The following ZNF675 variants were observed in gnomAD, a reference collection of about 807,000 sequenced individuals.
The protein encoded by ZNF675 is zinc finger protein 675.
In ZNF675, 36 loss-of-function variants were observed where a neutral mutation model predicts 56.1. The ratio of observed to expected loss-of-function variants is 0.64; its 90% CI spans 0.49 to 0.85. ZNF675 has a LOEUF of 0.85. ZNF675 is among the 40% of genes least tolerant of loss of function. The pLI, the probability that ZNF675 is intolerant of heterozygous loss-of-function variation, is 0.00. For missense variants in ZNF675, 663 were observed against 654.2 expected, an observed-to-expected ratio of 1.01 and a Z score of -0.15; for synonymous variants, 200 against 218.9, an observed-to-expected ratio of 0.91 and a Z score of 0.76.
Position 23,653,128 on chromosome 19 carries a change from A to T in ZNF675, c.*98T>A, listed in dbSNP as rs1967932297. ...TTACATACAATGAAGTGTGAAAACC[A>T]TTTAAAGTCTTTGACACATTCTTTA... On this transcript the variant is annotated 3_prime_UTR_variant, in exon 4 of 4. Transcript: ENST00000359788. 8.6e-7 allele frequency: 1 copy of T among 1,167,786 alleles called. No individual in the cohort carries two copies. The highest frequency in any genetic ancestry group is 1.2e-6 in the Non-Finnish European group (1 of 838,414). The allele number at this position is 1,167,786 out of a possible 1,614,324, so 72.3% of individuals were successfully genotyped here.
intron 2 of ZNF675, 27 bp downstream of exon 2, chr19:23,663,005 G>T: frequency 6.8e-7 from 1 of 1,467,872 alleles, no homozygotes; most frequent in South Asian, 1.3e-5. Flanking sequence ...AAAAAAAAAA[G>T]AAACTGTGTG....
At position 23,653,304 on chromosome 19, in the gene ZNF675, T is replaced by C; in HGVS notation, c.1629A>G (p.Lys543=). 2 of 1,613,798 alleles carry C rather than the reference T, an allele frequency of 1.2e-6. No homozygotes were observed. Among genetic ancestry groups the C allele is most frequent in the Non-Finnish European group, 1.7e-6 (2 of 1,179,912 alleles). The change falls in exon 4 of 4, where the codon AAA becomes AAG. Residue 543 remains lysine (K), a synonymous_variant. Transcript: ENST00000359788. ...TAAGGTTTGCAGATTGGTTAAAAGC[T>C]TTGTCACATCTCTCACATTTATAGG... The part of the protein sequence containing the change: ...EKPYKCERCD[K]AFNQSANLTK...
intron 1 of ZNF675, among the ~76,000 whole-genome samples, chr19:23,680,945 A>G (rs1394006900): frequency 1.3e-5 from 2 of 151,720 alleles, no homozygotes; most frequent in African/African-American, 2.4e-5. Context: ...CCAAACCTTC[A>G]TGACACAATT....
chr19:23,671,345 A>C (rs1968224206), intron 1 of ZNF675, among the ~76,000 whole-genome samples: 1 of 152,158 alleles, frequency 6.6e-6, no homozygotes, highest in Admixed American at 6.5e-5. Context: ...AGTGAAGAAA[A>C]ACGGCAAGTC....
chr19:23,663,129 T>C lies in ZNF675; in HGVS notation c.33A>G (p.Ile11Met), dbSNP rs1479310729. The change falls in exon 2 of 4, where the codon ATA (isoleucine) becomes ATG (methionine). Residue 11 changes from isoleucine to methionine, a missense_variant. This residue lies in a region of ZNF675 where 33 missense variants were observed against 31.8 expected (regional missense o/e 1.04). Coordinates refer to ENST00000359788, the MANE Select transcript of ZNF675 (RefSeq NM_138330.3). MGLLTFRDVA[I>M]EFSLEEWQCL... The stretch of plus-strand genomic sequence containing the variant: ...ATTGCCATTCTTCCAGAGAGAATTC[T>C]ATGGCCACATCCCTAAATGTCAACA... 2 of 1,610,462 alleles carry C rather than the reference T, an allele frequency of 1.2e-6. No individual in the cohort carries two copies. Among genetic ancestry groups the C allele is most frequent in the African/African-American group, 2.7e-5 (2 of 74,856 alleles).
intron 3 of ZNF675, chr19:23,655,281 T>C (rs1967968710): frequency 6.6e-6 from 1 of 151,316 alleles, no homozygotes; most frequent in Admixed American, 6.6e-5. Context: ...TATTTACATA[T>C]AGAGGAATAC....
chr19:23,654,631 C>T lies in ZNF675; in HGVS notation c.302G>A (p.Arg101Lys), dbSNP rs779133363. ...ATCATTTCCACATTTTTCATATCTTCTCAGTGTCACTTTTTCAAAAGAATC... is the reference window on the plus strand; with the variant it reads ...ATCATTTCCACATTTTTCATATCTTTTCAGTGTCACTTTTTCAAAAGAATC... ...IKDSFEKVTL[R>K]RYEKCGNDNF... is the part of the protein sequence containing the mutation. Residue 101 changes from arginine to lysine, a missense_variant, in exon 4 of 4, where the codon AGA becomes AAA. Transcript: ENST00000359788. The T allele has an allele frequency of 1.9e-6, 3 of 1,602,234 alleles. No individual in the cohort carries two copies. Among genetic ancestry groups the T allele is most frequent in the East Asian group, 4.5e-5 (2 of 44,792 alleles).
intron 1 of ZNF675, among the ~76,000 whole-genome samples, chr19:23,684,068 T>A (rs1219836405): frequency 6.6e-6 from 1 of 150,482 alleles, no homozygotes; most frequent in South Asian, 2.1e-4. Context: ...AAGACCATCC[T>A]GGCTAACACG....
intron 1 of ZNF675, among the ~76,000 whole-genome samples, chr19:23,668,430 C>T (rs1310655257): frequency 1.3e-5 from 2 of 152,250 alleles, no homozygotes; most frequent in Admixed American, 6.5e-5. Context: ...ATACTCTCCA[C>T]GTACCCACCA....
intron 1 of ZNF675, among the ~76,000 whole-genome samples, chr19:23,683,512 C>G (rs2144801228): frequency 6.6e-6 from 1 of 152,232 alleles, no homozygotes; most frequent in South Asian, 2.1e-4. Flanking sequence ...ACCTCCACCT[C>G]CTGGGTTCAA....
At chr19:23,676,459 A>G (rs1227759438) in intron 1 of ZNF675, among the ~76,000 whole-genome samples, 3 of 151,788 alleles carry the variant, frequency 2.0e-5, no homozygotes, top group Admixed American at 6.6e-5. Context: ...ATCATCAACA[A>G]AATACTGAAA....
chr19:23,653,292 T>C lies in ZNF675; in HGVS notation c.1641A>G (p.Gln547=), dbSNP rs540405714. The C allele has an allele frequency of 9.9e-6, 16 of 1,613,382 alleles. No homozygotes were observed. Among genetic ancestry groups the C allele is most frequent in the Middle Eastern group, 1.7e-4 (1 of 6,056 alleles). The change falls in exon 4 of 4, where the codon CAA becomes CAG. Residue 547 remains glutamine (Q), a synonymous_variant. Transcript: ENST00000359788. ...TTTTATGTTTAGTAAGGTTTGCAGA[T>C]TGGTTAAAAGCTTTGTCACATCTCT... ...KCERCDKAFN[Q]SANLTKHKKI...
In ZNF675 at chr19:23,674,152, G is replaced by A. The variant is rs540140374; in HGVS notation, c.4-10994C>T. 3.1e-4 allele frequency among the ~76,000 whole-genome samples: 47 copies of A among 150,306 alleles called. 1 individual carries two copies. Among genetic ancestry groups the A allele is most frequent in the Middle Eastern group, 3.6e-3 (1 of 280 alleles). On this transcript the variant is annotated intron_variant, in intron 1 of 3. Transcript: ENST00000359788. ...CGGGAGGCAGAGGTTGCAGTGAGCC[G>A]AGATCAAGCCATTGCACTCCAGCCT...
rs1311219501 is a variant in ZNF675 at position 23,661,986 on chromosome 19, C to CA, written c.226+127dup. Reference sequence around the variant, plus strand: ...CTCAAATGTGAGAGCATAAAATACTCAGGCTTTCCAGAAATTATTTCCTTT... The same window carrying CA: ...CTCAAATGTGAGAGCATAAAATACTCAAGGCTTTCCAGAAATTATTTCCTTT... On this transcript the variant is annotated intron_variant, in intron 3 of 3. Transcript: ENST00000359788. 4.3e-6 allele frequency: 3 copies of CA among 701,186 alleles called. No homozygotes were observed. In the East Asian group the frequency reaches 7.8e-5, roughly 18 times the overall value. The allele number at this position is 701,186 out of a possible 1,614,324, so 43.4% of individuals were successfully genotyped here. A position where few individuals can be genotyped will look rare whatever the true frequency, so the allele number is the denominator to read the frequency against.
intron 1 of ZNF675, among the ~76,000 whole-genome samples, chr19:23,665,259 C>T: frequency 6.7e-6 from 1 of 150,040 alleles, no homozygotes. Context: ...GCAGGAGAAT[C>T]GCTTAAACCC....
rs781539554 is a variant in ZNF675, at chr19:23,662,229, A to G, written c.131-20T>C. ...CAATACCTGTTTTATTAAAAAATAA[A>G]TAACATTAATTTTGCTCATATTCTC... On this transcript the variant is annotated intron_variant, in intron 2 of 3. Transcript: ENST00000359788. 7.7e-6 allele frequency: 12 copies of G among 1,566,762 alleles called. No individual in the cohort carries two copies. Among genetic ancestry groups the G allele is most frequent in the African/African-American group, 1.4e-5 (1 of 73,678 alleles).
chr19:23,654,398 T>C lies in ZNF675; in HGVS notation c.535A>G (p.Arg179Gly). The C allele has an allele frequency of 6.2e-7, 1 of 1,611,446 alleles. No individual in the cohort carries two copies. Among genetic ancestry groups the C allele is most frequent in the Non-Finnish European group, 8.5e-7 (1 of 1,178,416 alleles). ...NKPFKCKECG[R>G]SFCMLSHLTR... ...AGGTGTGAAAGCATGCAAAATGATC[T>C]GCCACATTCTTTACATTTGAAAGGT... The change falls in exon 4 of 4, where the codon AGA becomes GGA. Residue 179 changes from arginine (R) to glycine (G), a missense_variant. Transcript: ENST00000359788.
rs370219307 is a variant in ZNF675 at position 23,653,391 on chromosome 19, G to C, written c.1542C>G (p.Gly514=). The change falls in exon 4 of 4, where the codon GGC becomes GGG. Residue 514 remains glycine, a synonymous_variant. Coordinates refer to ENST00000359788, the MANE Select transcript of ZNF675 (RefSeq NM_138330.3). The part of the protein sequence containing the change: ...GEKPYKCEEC[G]KAFSRSSKLT... ...GTTTTGAGGATCGGCTAAAAGCTTT[G>C]CCACATTCTTCACATTTGTAGGGTT... The C allele has an allele frequency of 6.2e-7, 1 of 1,612,852 alleles. No individual in the cohort carries two copies. The highest frequency in any genetic ancestry group is 1.3e-5 in the African/African-American group (1 of 74,962).
At chr19:23,657,832 A>G (rs12150985) in intron 3 of ZNF675, among the ~76,000 whole-genome samples, 14,559 of 152,252 alleles carry the variant, frequency 0.096, 762 homozygotes, top group East Asian at 0.22. Context: ...AATTGGGGTC[A>G]TATTCATAGA....
Sources: gnomAD v4.1 joint callset for allele counts (sites outside exome capture counted in the v4.1 genomes callset) on GRCh38, gnomAD v4.1.1 for gene constraint, gnomAD v4.1.1 regional missense constraint, MANE v1.5 for transcripts, NCBI Gene and HGNC (gene_info 2026-07-23, HGNC 2026-07-21) for gene names.